EML4: variants seen among roughly 807,000 people sequenced by gnomAD.
EML4 encodes the protein echinoderm microtubule-associated protein-like 4.
Under a neutral mutation model 129.0 loss-of-function variants are expected in EML4, and 72 were observed. That is an observed-to-expected ratio of 0.56 (90% confidence interval 0.46 to 0.68). EML4 has a LOEUF of 0.68. Ranked by LOEUF, EML4 falls within the 30% of genes least tolerant of loss-of-function variation. The pLI, the probability that EML4 is intolerant of heterozygous loss-of-function variation, is 0.00. For synonymous variants in EML4, 532 were observed against 405.0 expected, an observed-to-expected ratio of 1.31 and a Z score of -3.77; for missense variants, 1,363 against 1,190.6, an observed-to-expected ratio of 1.14 and a Z score of -2.13.
intron 6 of EML4, among the ~76,000 whole-genome samples, chr2:42,269,908 A>T (rs1057355761): frequency 1.3e-5 from 2 of 152,202 alleles, no homozygotes; most frequent in Non-Finnish European, 2.9e-5. Flanking sequence ...AGAAAGGGCA[A>T]ATGAGTAGTA....
chr2:42,326,814 A>C (rs1195267228), intron 21 of EML4, among the ~76,000 whole-genome samples: 1 of 152,208 alleles, frequency 6.6e-6, no homozygotes, highest in Non-Finnish European at 1.5e-5. Context: ...CCTGGGAGGC[A>C]GAGGCTGCAG....
chr2:42,227,488 T>C (rs1412227059), intron 1 of EML4, among the ~76,000 whole-genome samples: 1 of 152,028 alleles, frequency 6.6e-6, no homozygotes, highest in African/African-American at 2.4e-5. Context: ...TTTTTTTTTT[T>C]TTTAAACCAC....
chr2:42,237,846 A>G (rs1434219916), intron 1 of EML4, among the ~76,000 whole-genome samples: 1 of 152,206 alleles, frequency 6.6e-6, no homozygotes, highest in African/African-American at 2.4e-5. Context: ...TGAGTTGAGT[A>G]GGTTGAGGAG....
intron 3 of EML4, among the ~76,000 whole-genome samples, chr2:42,257,624 A>G (rs1404802966): frequency 3.9e-5 from 6 of 152,130 alleles, no homozygotes; most frequent in Non-Finnish European, 5.9e-5. Flanking sequence ...TCACGAGGTC[A>G]GGAGATCGAG....
rs1476181071 is a variant in EML4, at chr2:42,326,138, G to C, written c.2243-16G>C. ...CACAAGCACTATGATTATACTTCCT[G>C]TTTCTAAATTTAAAGGGGACATTCC... is the stretch of plus-strand genomic sequence containing the variant. On this transcript the variant is annotated splice_polypyrimidine_tract_variant and intron_variant, in intron 20 of 22. Transcript: ENST00000318522. The C allele has an allele frequency of 1.2e-6, 2 of 1,611,316 alleles. No homozygotes were observed. The highest frequency in any genetic ancestry group is 4.5e-5 in the East Asian group (2 of 44,806).
chr2:42,171,308 T>G (rs187663426), intron 1 of EML4, among the ~76,000 whole-genome samples: 8 of 152,356 alleles, frequency 5.3e-5, no homozygotes, highest in Admixed American at 3.9e-4. Flanking sequence ...ATCTTTATAC[T>G]GTATTGGGTC....
intron 2 of EML4, among the ~76,000 whole-genome samples, chr2:42,252,614 G>A (rs1488480552): frequency 6.6e-6 from 1 of 152,080 alleles, no homozygotes; most frequent in Non-Finnish European, 1.5e-5. Flanking sequence ...TGTTCTACGT[G>A]CTGGCCACAT....
intron 6 of EML4, among the ~76,000 whole-genome samples, chr2:42,265,643 T>A (rs1666017959): frequency 1.3e-5 from 2 of 150,388 alleles, no homozygotes; most frequent in African/African-American, 4.9e-5. Context: ...CTAGAGGGAG[T>A]TTTCTCCCTT....
chr2:42,222,991 G>A (rs1673712057), intron 1 of EML4, among the ~76,000 whole-genome samples: 2 of 151,992 alleles, frequency 1.3e-5, no homozygotes, highest in Admixed American at 1.3e-4. Context: ...AGTAGAGATG[G>A]GGTGTCACTG....
chr2:42,193,841 A>G (rs1195786071), intron 1 of EML4, among the ~76,000 whole-genome samples: 1 of 152,014 alleles, frequency 6.6e-6, no homozygotes, highest in East Asian at 1.9e-4. Context: ...ATGCACCACC[A>G]TACCCAGCTA....
chr2:42,317,648 A>C, intron 19 of EML4, 124 bp downstream of exon 19: 1 of 630,656 alleles, frequency 1.6e-6, no homozygotes, highest in South Asian at 2.0e-5. Context: ...TGTCTTTGAA[A>C]ACTGGAACTG....
At chr2:42,274,022 G>C (rs903040748) in intron 6 of EML4, among the ~76,000 whole-genome samples, 2 of 152,096 alleles carry the variant, frequency 1.3e-5, no homozygotes, top group African/African-American at 4.8e-5. Flanking sequence ...TTCCAAAAAT[G>C]GTCCTTGTCA....
intron 3 of EML4, among the ~76,000 whole-genome samples, chr2:42,259,139 G>T (rs1331037213): frequency 6.6e-6 from 1 of 151,936 alleles, no homozygotes; most frequent in African/African-American, 2.4e-5. Context: ...CTCAGCTGCT[G>T]GGGAAGCTGA....
chr2:42,252,889 ATCTC>A (rs1051962624), intron 2 of EML4, among the ~76,000 whole-genome samples: 11 of 152,106 alleles, frequency 7.2e-5, no homozygotes, highest in African/African-American at 2.2e-4. Context: ...CTCCATTGAT[ATCTC>A]TCTGTTACTG....
Position 42,263,280 on chromosome 2 carries a change from A to G in EML4, c.615A>G (p.Ile205Met). 5 of 1,612,072 alleles carry G rather than the reference A, an allele frequency of 3.1e-6. No homozygotes were observed. The highest frequency in any genetic ancestry group is 1.7e-4 in the Middle Eastern group (1 of 6,028). The change falls in exon 5 of 23, where the codon ATA becomes ATG. Residue 205 changes from isoleucine to methionine, a missense_variant. Ile to Met is a conservative substitution (Grantham distance 10, BLOSUM62 1). Transcript: ENST00000318522. Reference protein sequence around the residue: ...LSKIPSTPKLIPKVTKTADKH... With the variant: ...LSKIPSTPKLMPKVTKTADKH... ...AAATACCTTCAACACCCAAATTAAT[A>G]CCAAAAGTTACCAAAACTGCAGACA...
chr2:42,248,809 G>A (rs1046786266), intron 2 of EML4, among the ~76,000 whole-genome samples: 1 of 152,020 alleles, frequency 6.6e-6, no homozygotes, highest in East Asian at 1.9e-4. Context: ...TTATGAAATG[G>A]TTTGATGGGG....
intron 6 of EML4, among the ~76,000 whole-genome samples, chr2:42,266,723 A>C (rs1666086828): frequency 6.6e-6 from 1 of 151,366 alleles, no homozygotes; most frequent in Admixed American, 6.6e-5. Flanking sequence ...AACTGTGTTT[A>C]GTGGTTGGTC....
chr2:42,169,522 G>C lies in EML4; in HGVS notation c.-90G>C, dbSNP rs577100563. ...CCGAGCCGGGCGACCTAGAGAACGA[G>C]CGGGTCAGGCTCAGCGTCGGCCACT... On this transcript the variant is annotated 5_prime_UTR_variant, in exon 1 of 23. Transcript: ENST00000318522. The C allele has an allele frequency of 2.8e-6, 4 of 1,446,674 alleles. No individual in the cohort carries two copies. In the Admixed American group the frequency reaches 9.2e-5, roughly 33 times the overall value. 89.6% of individuals were successfully genotyped at this position (1,446,674 alleles called of 1,614,324 possible). A position where few individuals can be genotyped will look rare whatever the true frequency, so the allele number is the denominator to read the frequency against.
At chr2:42,325,612 A>ATATATATGCTATGAT in intron 20 of EML4, 58 bp downstream of exon 20, 2 of 51,316 alleles carry the variant, frequency 3.9e-5, no homozygotes, top group Non-Finnish European at 6.1e-5. Context: ...TTATATATAT[A>ATATATATGCTATGAT]TATATATATA....
Sources: gnomAD v4.1 joint callset for allele counts (sites outside exome capture counted in the v4.1 genomes callset) on GRCh38, gnomAD v4.1.1 for gene constraint, MANE v1.5 for transcripts, NCBI Gene and HGNC (gene_info 2026-07-23, HGNC 2026-07-21) for gene names.